The following RPS20 variants were observed in gnomAD, a reference collection of about 807,000 sequenced individuals.
RPS20 encodes the protein ribosomal protein S20.
Under a neutral mutation model 15.3 loss-of-function variants are expected in RPS20, and 3 were observed. That is an observed-to-expected ratio of 0.20 (90% CI 0.09 to 0.51). The LOEUF is 0.51. RPS20 is among the 20% of genes least tolerant of loss of function. The probability of loss-of-function intolerance (pLI) is 0.96; values close to 1 mark genes in which losing one functional copy is unlikely to be tolerated. For missense variants in RPS20, 67 were observed against 145.9 expected, an observed-to-expected ratio of 0.46 and a Z score of 2.79; for synonymous variants, 62 against 47.8, an observed-to-expected ratio of 1.30 and a Z score of -1.23.
At chr8:56,071,553 T>C (rs907464075), downstream of RPS20, among the ~76,000 whole-genome samples, 18 of 152,106 alleles carry the variant, frequency 1.2e-4, no homozygotes, top group Admixed American at 6.6e-5. Context: ...GTAACAGCAG[T>C]AGGGGAGGGG....
exon 6 of RPS20, chr8:56,067,486 C>A (rs1809643932): frequency 6.6e-6 from 1 of 152,036 alleles, no homozygotes; most frequent in South Asian, 2.1e-4. Flanking sequence ...GAGATGGAGA[C>A]CATCCTCATT....
chr8:56,073,492 C>G (rs1239623148), intron 3 of RPS20: 1 of 641,262 alleles, frequency 1.6e-6, no homozygotes, highest in Non-Finnish European at 2.8e-6. Context: ...CACCAAAGCA[C>G]ACCAAGAACA....
rs376014536 is a variant in RPS20 at position 56,073,698 on chromosome 8, G to A, written c.174C>T (p.Thr58=). The A allele has an allele frequency of 4.3e-6, 7 of 1,612,710 alleles. No homozygotes were observed. Among genetic ancestry groups the A allele is most frequent in the Non-Finnish European group, 5.9e-6 (7 of 1,179,034 alleles). The change falls in exon 3 of 4, where the codon ACC becomes ACT. Residue 58 remains threonine, a synonymous_variant. Transcript: ENST00000009589. The part of the protein sequence containing the change: ...LKVKGPVRMP[T]KTLRITTRKT... ...CTGCCCCTCCGATTTACTTTACCTT[G>A]GTAGGCATTCGAACTGGTCCTTTCA...
downstream of RPS20, among the ~76,000 whole-genome samples, chr8:56,070,422 T>C (rs138728311): frequency 2.3e-3 from 352 of 152,296 alleles, 1 homozygote; most frequent in African/African-American, 7.6e-3. Context: ...ACACAGGCAC[T>C]CTACGGATGT....
downstream of RPS20, among the ~76,000 whole-genome samples, chr8:56,069,249 A>G (rs1809688379): frequency 6.6e-6 from 1 of 151,742 alleles, no homozygotes; most frequent in African/African-American, 2.4e-5. Context: ...TTTTTCCTTT[A>G]TTATTTTTTT....
chr8:56,070,342 T>C (rs1453540596), downstream of RPS20, among the ~76,000 whole-genome samples: 1 of 152,200 alleles, frequency 6.6e-6, no homozygotes, highest in African/African-American at 2.4e-5. Flanking sequence ...TGGAGCCATC[T>C]GTCTGACTGC....
chr8:56,068,386 A>G (rs1809663826), downstream of RPS20: 1 of 152,122 alleles, frequency 6.6e-6, no homozygotes, highest in African/African-American at 2.4e-5. Flanking sequence ...TAAAATACAA[A>G]AATCAGCTGG....
chr8:56,067,775 A>G (rs1199536487), exon 6 of RPS20: 1 of 152,212 alleles, frequency 6.6e-6, no homozygotes, highest in African/African-American at 2.4e-5. Flanking sequence ...AGTCACAAAA[A>G]GACAAATATT....
At chr8:56,070,644 G>GGTTGAGGCAGGAGGATCT (rs1419275351), downstream of RPS20, among the ~76,000 whole-genome samples, 6 of 151,922 alleles carry the variant, frequency 3.9e-5, no homozygotes, top group East Asian at 7.7e-4. Context: ...CAGGAGGATC[G>GGTTGAGGCAGGAGGATCT]GTTCAGCCAG....
intron 3 of RPS20, 155 bp downstream of exon 3, chr8:56,073,540 C>T: frequency 1.4e-6 from 1 of 693,542 alleles, no homozygotes; most frequent in Admixed American, 2.4e-5. Flanking sequence ...TAAACATTAG[C>T]TACTTACTAG....
At chr8:56,070,591 C>A (rs188429063), downstream of RPS20, among the ~76,000 whole-genome samples, 4 of 152,150 alleles carry the variant, frequency 2.6e-5, no homozygotes, top group Non-Finnish European at 5.9e-5. Context: ...CCAGGCCAAG[C>A]GTCAAGGTGT....
downstream of RPS20, among the ~76,000 whole-genome samples, chr8:56,070,996 A>C (rs534508068): frequency 1.3e-5 from 2 of 152,352 alleles, no homozygotes; most frequent in Admixed American, 1.3e-4. Context: ...AAGGCCCTGC[A>C]GTTTTATTTC....
downstream of RPS20, among the ~76,000 whole-genome samples, chr8:56,071,449 A>G (rs1809752887): frequency 6.6e-6 from 1 of 152,234 alleles, no homozygotes; most frequent in Non-Finnish European, 1.5e-5. Context: ...GCAATGTGGC[A>G]TAATTCATTC....
At chr8:56,073,960 C>T (rs770437900) in intron 2 of RPS20, 100 bp downstream of exon 2, 23 of 1,181,476 alleles carry the variant, frequency 1.9e-5, no homozygotes, top group East Asian at 9.3e-5. Flanking sequence ...TAACTTGTCA[C>T]TTTAGTTCTT....
chr8:56,073,971 G>A, intron 2 of RPS20, 89 bp downstream of exon 2: 1 of 1,205,292 alleles, frequency 8.3e-7, no homozygotes. Flanking sequence ...TTTAGTTCTT[G>A]CAGTCCACCT....
At position 56,074,495 on chromosome 8, in the gene RPS20, T is replaced by G. The variant is rs775798774; in HGVS notation, c.-112A>C. 4.1e-6 allele frequency: 5 copies of G among 1,228,994 alleles called. No homozygotes were observed. The highest frequency in any genetic ancestry group is 1.4e-5 in the South Asian group (1 of 73,364). The allele number at this position is 1,228,994 out of a possible 1,614,324, so 76.1% of individuals were successfully genotyped here. On this transcript the variant is annotated 5_prime_UTR_variant, in exon 1 of 4. Transcript: ENST00000009589. ...AATCCTCAGCCCTTACGACCGCGTC[T>G]TCCTCAAAAAGAAAGGGGTGGGACT...
At chr8:56,072,877 T>G, downstream of RPS20, 2 of 1,272,582 alleles carry the variant, frequency 1.6e-6, no homozygotes, top group South Asian at 4.4e-5. Flanking sequence ...ATAAAACCAG[T>G]CAGGTCTCAC....
chr8:56,068,803 A>ATT (rs1563345604), downstream of RPS20, among the ~76,000 whole-genome samples: 3 of 92,606 alleles, frequency 3.2e-5, no homozygotes, highest in East Asian at 3.2e-4. Flanking sequence ...CTTGGTGAAA[A>ATT]TATCTTTTTT....
Position 56,073,276 on chromosome 8 carries a change from T to C in RPS20, c.178-4A>G, listed in dbSNP as rs752279003. 5.7e-6 allele frequency: 9 copies of C among 1,583,130 alleles called. No individual in the cohort carries two copies. Among genetic ancestry groups the C allele is most frequent in the Non-Finnish European group, 7.8e-6 (9 of 1,155,150 alleles). On this transcript the variant is annotated splice_polypyrimidine_tract_variant and splice_region_variant and intron_variant, in intron 3 of 3. Coordinates refer to ENST00000009589, the MANE Select transcript of RPS20 (RefSeq NM_001023.4). ...TTCTTGTAGTGATTCTCAAAGTCTG[T>C]AACAAAAGACAAAGGAAACCAAGTG...
Sources: gnomAD v4.1 joint callset for allele counts (sites outside exome capture counted in the v4.1 genomes callset) on GRCh38, gnomAD v4.1.1 for gene constraint, MANE v1.5 for transcripts, NCBI Gene and HGNC (gene_info 2026-07-23, HGNC 2026-07-21) for gene names.